Variants in MALRD1 observed in about 807,000 individuals in gnomAD.
MALRD1 encodes MAM and LDL-receptor class A domain-containing protein 1.
Under a neutral mutation model 242.1 loss-of-function variants are expected in MALRD1, and 247 were observed. That is an observed-to-expected ratio of 1.02 (90% CI 0.92 to 1.13). The LOEUF (loss-of-function observed/expected upper bound fraction) is 1.13, where lower values mean the gene tolerates loss of function less well. Among genes scored for constraint, MALRD1 ranks in the 50% most tolerant of loss-of-function variants. MALRD1 has a pLI of 0.00. For synonymous variants in MALRD1, 995 were observed against 866.6 expected, an observed-to-expected ratio of 1.15 and a Z score of -2.60; for missense variants, 2,989 against 2,533.1, an observed-to-expected ratio of 1.18 and a Z score of -3.86.
intron 36 of MALRD1, among the ~76,000 whole-genome samples, chr10:19,691,297 C>T (rs1014129639): frequency 6.6e-6 from 1 of 152,060 alleles, no homozygotes; most frequent in Non-Finnish European, 1.5e-5. Context: ...CTCCATGAAC[C>T]TCCACGCTTT....
chr10:19,243,306 T>C (rs1026443147), intron 18 of MALRD1, among the ~76,000 whole-genome samples: 1 of 152,124 alleles, frequency 6.6e-6, no homozygotes, highest in Non-Finnish European at 1.5e-5. Context: ...ACTAAATCAA[T>C]TATTTAATGG....
At chr10:19,178,534 CT>C (rs1344005608) in intron 14 of MALRD1, among the ~76,000 whole-genome samples, 16 of 152,212 alleles carry the variant, frequency 1.1e-4, no homozygotes, top group South Asian at 6.2e-4. Flanking sequence ...GGCTGCACCA[CT>C]TCAAAGCAAT....
In MALRD1 at chr10:19,165,784, G is replaced by A. The variant is rs576534661; in HGVS notation, c.1804G>A (p.Ala602Thr). Residue 602 changes from alanine (A) to threonine (T), a missense_variant, in exon 13 of 40, where the codon GCG becomes ACG. By Grantham distance (58) the Ala-to-Thr change is moderately conservative. Coordinates refer to ENST00000454679, the MANE Select transcript of MALRD1 (RefSeq NM_001142308.3). ...CGCAAAAATTGATCTCATTGCAGAA[G>A]CGGGAGAATCTACTCTACCTTTTCA... ...SHAKIDLIAE[A>T]GESTLPFQLI... 375 of 1,231,670 alleles carry A rather than the reference G, an allele frequency of 3.0e-4. 2 individuals carry two copies. The East Asian group carries it at 4.9e-3, about 16-fold the overall frequency. 76.3% of individuals were successfully genotyped at this position (1,231,670 alleles called of 1,614,324 possible).
At chr10:19,493,447 A>G (rs772358059) in intron 30 of MALRD1, 2 of 152,164 alleles carry the variant, frequency 1.3e-5, no homozygotes, top group African/African-American at 2.4e-5. Flanking sequence ...TTTCTTTCAT[A>G]GTATGTACAT....
At position 19,416,729 on chromosome 10, in the gene MALRD1, T is replaced by G. The variant is rs369689790; in HGVS notation, c.4845+27120T>G. Among the ~76,000 whole-genome samples the G allele has an allele frequency of 2.0e-5, 3 of 152,314 alleles. No homozygotes were observed. The South Asian group carries it at 6.2e-4, about 32-fold the overall frequency. On this transcript the variant is annotated intron_variant, in intron 28 of 39. Coordinates refer to ENST00000454679, the MANE Select transcript of MALRD1 (RefSeq NM_001142308.3). ...TGCTCTTCTATTTCAAGTCTCACCC[T>G]CTCACTGCATCAGCAAATGAGCCTA...
chr10:19,543,180 G>C (rs1360576201), intron 32 of MALRD1, among the ~76,000 whole-genome samples: 2 of 152,276 alleles, frequency 1.3e-5, no homozygotes, highest in Non-Finnish European at 2.9e-5. Context: ...GCCTTCCCAG[G>C]CTCAAGCAAT....
chr10:19,220,026 T>C (rs1837491283), intron 18 of MALRD1, among the ~76,000 whole-genome samples: 1 of 152,200 alleles, frequency 6.6e-6, no homozygotes, highest in African/African-American at 2.4e-5. Flanking sequence ...TGATGTACTT[T>C]TTCTTCTTGG....
chr10:19,442,056 G>A (rs1834692360), intron 28 of MALRD1, among the ~76,000 whole-genome samples: 1 of 152,152 alleles, frequency 6.6e-6, no homozygotes, highest in Non-Finnish European at 1.5e-5. Flanking sequence ...CACAAACCTT[G>A]TAAGTTGGAT....
chr10:19,431,088 G>A (rs999301213), intron 28 of MALRD1, among the ~76,000 whole-genome samples: 5 of 152,100 alleles, frequency 3.3e-5, no homozygotes. Context: ...GTAGTTTGCT[G>A]TGCCTATCAA....
At position 19,380,392 on chromosome 10, in the gene MALRD1, A is replaced by G. The variant is rs531061739; in HGVS notation, c.4442-7136A>G. On this transcript the variant is annotated intron_variant, in intron 26 of 39. Transcript: ENST00000454679. ...ATTCTCTCTATTCTGATGGAATTCC[A>G]ACACCTATTGGCCCTAAGTGATTTG... 3.5e-4 allele frequency among the ~76,000 whole-genome samples: 53 copies of G among 151,798 alleles called. 2 individuals carry two copies. The East Asian group carries it at 9.1e-3, about 26-fold the overall frequency.
At chr10:19,462,003 C>A (rs1835968922) in intron 29 of MALRD1, among the ~76,000 whole-genome samples, 1 of 152,116 alleles carries the variant, frequency 6.6e-6, no homozygotes, top group Non-Finnish European at 1.5e-5. Context: ...CAAATGGTCA[C>A]CCTCAGACTA....
intron 10 of MALRD1, among the ~76,000 whole-genome samples, chr10:19,137,332 G>A (rs1266237514): frequency 6.6e-6 from 1 of 152,016 alleles, no homozygotes; most frequent in Non-Finnish European, 1.5e-5. Flanking sequence ...CCAGCCGGGT[G>A]CAATGGCTCA....
intron 11 of MALRD1, 76 bp from the exon 12 acceptor site, chr10:19,154,999 A>T: frequency 3.9e-6 from 3 of 766,386 alleles, no homozygotes; most frequent in Non-Finnish European, 5.3e-6. Flanking sequence ...ATGTGCAAGG[A>T]TAAGATTGTG....
intron 18 of MALRD1, among the ~76,000 whole-genome samples, chr10:19,251,684 A>G (rs1241745212): frequency 6.6e-6 from 1 of 152,030 alleles, no homozygotes; most frequent in Non-Finnish European, 1.5e-5. Flanking sequence ...TGGCAAACCC[A>G]AATAACTATG....
At position 19,171,738 on chromosome 10, in the gene MALRD1, A is replaced by G. The variant is rs990745040; in HGVS notation, c.1831-3470A>G. Among the ~76,000 whole-genome samples, 125 of 144,494 alleles carry G rather than the reference A, an allele frequency of 8.7e-4. 1 individual carries two copies. Among genetic ancestry groups the G allele is most frequent in the Non-Finnish European group, 1.6e-3 (103 of 65,906 alleles). 94.8% of individuals were successfully genotyped at this position (144,494 alleles called of 152,430 possible). ...TATATACACGTATATACGTATATAT[A>G]TCATATAATATACGATATATATACA... On this transcript the variant is annotated intron_variant, in intron 13 of 39. Transcript: ENST00000454679.
At chr10:19,444,284 A>T (rs1270602298) in intron 28 of MALRD1, among the ~76,000 whole-genome samples, 1 of 152,146 alleles carries the variant, frequency 6.6e-6, no homozygotes, top group Admixed American at 6.5e-5. Flanking sequence ...TGTGTCTTTT[A>T]ATTGGAACAT....
chr10:19,116,887 G>A (rs567000922), intron 5 of MALRD1, among the ~76,000 whole-genome samples: 25 of 152,170 alleles, frequency 1.6e-4, no homozygotes, highest in African/African-American at 5.5e-4. Flanking sequence ...TCAGGAGTTC[G>A]AGACCAGCCT....
intron 21 of MALRD1, among the ~76,000 whole-genome samples, chr10:19,311,331 G>A (rs188904022): frequency 6.6e-6 from 1 of 151,430 alleles, no homozygotes; most frequent in East Asian, 2.0e-4. Context: ...TCTTGAGCTA[G>A]AATTTGGGGA....
intron 28 of MALRD1, among the ~76,000 whole-genome samples, chr10:19,410,498 C>T (rs1433680765): frequency 6.6e-6 from 1 of 152,138 alleles, no homozygotes; most frequent in Non-Finnish European, 1.5e-5. Context: ...TAGTACAAGC[C>T]TAGGTCTTGA....
Sources: gnomAD v4.1 joint callset for allele counts (sites outside exome capture counted in the v4.1 genomes callset) on GRCh38, gnomAD v4.1.1 for gene constraint, MANE v1.5 for transcripts, NCBI Gene and HGNC (gene_info 2026-07-23, HGNC 2026-07-21) for gene names.